The following FHOD3 variants were observed in gnomAD, a reference collection of about 807,000 sequenced individuals.
FHOD3 encodes the protein FH1/FH2 domain-containing protein 3.
Under a neutral mutation model 173.0 loss-of-function variants are expected in FHOD3, and 90 were observed. That is an observed-to-expected ratio of 0.52 (90% confidence interval 0.44 to 0.62). FHOD3 has a LOEUF of 0.62. Among genes scored for constraint, FHOD3 ranks in the 20% least tolerant of loss-of-function variants. The pLI is 0.00. For synonymous variants in FHOD3, 828 were observed against 823.0 expected (o/e 1.01, Z -0.10); for missense variants, 1,945 against 2,034.7 (o/e 0.96, Z 0.85).
intron 3 of FHOD3, among the ~76,000 whole-genome samples, chr18:36,452,157 T>A (rs1477946086): frequency 6.6e-6 from 1 of 152,114 alleles, no homozygotes; most frequent in African/African-American, 2.4e-5. Flanking sequence ...CGTCTTGGCA[T>A]TTTTTTGGTG....
chr18:36,308,077 A>G (rs1037682634), intron 1 of FHOD3, among the ~76,000 whole-genome samples: 1 of 152,228 alleles, frequency 6.6e-6, no homozygotes, highest in African/African-American at 2.4e-5. Flanking sequence ...TTCTTCTTGA[A>G]TGTTAAATTT....
intron 21 of FHOD3, 110 bp downstream of exon 21, chr18:36,740,948 C>T (rs1436001273): frequency 1.9e-5 from 21 of 1,079,104 alleles, no homozygotes; most frequent in Admixed American, 9.0e-5. Context: ...GCATAGGGTA[C>T]GGAGGGTGAA....
intron 14 of FHOD3, among the ~76,000 whole-genome samples, chr18:36,668,795 T>A (rs1296537515): frequency 1.3e-5 from 2 of 152,112 alleles, no homozygotes. Flanking sequence ...ATATTCCAAC[T>A]ATCTTTCTGT....
intron 3 of FHOD3, among the ~76,000 whole-genome samples, chr18:36,495,810 G>A (rs892010827): frequency 1.3e-5 from 2 of 152,214 alleles, no homozygotes; most frequent in Non-Finnish European, 2.9e-5. Flanking sequence ...CTGCAGAGTA[G>A]AGAATTGGAT....
Position 36,474,278 on chromosome 18 carries a change from T to C in FHOD3, c.338-27654T>C, listed in dbSNP as rs187843647. ...CTCCTCCACCACGTGCACAGGAACA[T>C]GGCTCTCTTCTTTTTGTCCCATAAG... On this transcript the variant is annotated intron_variant, in intron 3 of 28. Transcript: ENST00000590592. Among the ~76,000 whole-genome samples, 4 of 152,326 alleles carry C rather than the reference T, an allele frequency of 2.6e-5. No homozygotes were observed. In the East Asian group the frequency reaches 7.7e-4, roughly 29 times the overall value.
intron 5 of FHOD3, among the ~76,000 whole-genome samples, chr18:36,529,878 T>C (rs2056705458): frequency 6.6e-6 from 1 of 152,186 alleles, no homozygotes; most frequent in Non-Finnish European, 1.5e-5. Flanking sequence ...TAGAATCCCA[T>C]CGTTCAGCAT....
intron 5 of FHOD3, among the ~76,000 whole-genome samples, chr18:36,521,708 T>G (rs2056283339): frequency 6.6e-6 from 1 of 152,196 alleles, no homozygotes; most frequent in African/African-American, 2.4e-5. Context: ...CTCTGTTGCA[T>G]GGATGGACCA....
chr18:36,437,247 A>T (rs527516044), intron 3 of FHOD3, among the ~76,000 whole-genome samples: 1 of 152,232 alleles, frequency 6.6e-6, no homozygotes, highest in South Asian at 2.1e-4. Flanking sequence ...CCTCCCAAGT[A>T]GCTAGGACTA....
intron 5 of FHOD3, among the ~76,000 whole-genome samples, chr18:36,559,985 G>A (rs1346801735): frequency 6.6e-6 from 1 of 152,132 alleles, no homozygotes; most frequent in Non-Finnish European, 1.5e-5. Context: ...CATACTTTTG[G>A]AAAGTGAATT....
chr18:36,425,182 A>G (rs151199953), intron 3 of FHOD3, among the ~76,000 whole-genome samples: 102 of 152,280 alleles, frequency 6.7e-4, no homozygotes, highest in African/African-American at 2.4e-3. Flanking sequence ...TATTGTTACA[A>G]TTGTTGTCTT....
intron 10 of FHOD3, among the ~76,000 whole-genome samples, chr18:36,644,991 A>G (rs1283618073): frequency 6.6e-6 from 1 of 152,206 alleles, no homozygotes. Flanking sequence ...GTGGACCAGA[A>G]GTAATAACAC....
At chr18:36,342,318 A>G (rs758231577) in intron 1 of FHOD3, among the ~76,000 whole-genome samples, 4 of 152,140 alleles carry the variant, frequency 2.6e-5, no homozygotes, top group Non-Finnish European at 5.9e-5. Flanking sequence ...TTAATGGCCA[A>G]TTTTCTAAAA....
chr18:36,637,733 G>A lies in FHOD3; in HGVS notation c.1197-11583G>A, dbSNP rs147791529. Among the ~76,000 whole-genome samples, 13 of 152,312 alleles carry A rather than the reference G, an allele frequency of 8.5e-5. No individual in the cohort carries two copies. In the East Asian group the frequency reaches 1.7e-3, roughly 20 times the overall value. On this transcript the variant is annotated intron_variant, in intron 10 of 28. Transcript: ENST00000590592. ...CCAGCAGGGCCATGTGGTAGATAGA[G>A]GGTTACAGGGATATGAGAATATATC...
At chr18:36,299,062 A>T (rs2848591) in intron 1 of FHOD3, among the ~76,000 whole-genome samples, 3 of 151,994 alleles carry the variant, frequency 2.0e-5, no homozygotes, top group East Asian at 1.9e-4. Context: ...TTAAAAAAAA[A>T]CCTCGGATTT....
Position 36,363,907 on chromosome 18 carries a change from G to A in FHOD3, c.272+8262G>A, listed in dbSNP as rs191664138. Among the ~76,000 whole-genome samples the A allele has an allele frequency of 8.1e-3, 1,226 of 152,072 alleles. 16 individuals are homozygous for A. The highest frequency in any genetic ancestry group is 0.028 in the African/African-American group (1,176 of 41,416). Reference sequence around the variant, plus strand: ...AAATGGGTGGGTGGGGAGGGGCAGTGTGGATATATGAGAACATGCTCTACT... The same window carrying A: ...AAATGGGTGGGTGGGGAGGGGCAGTATGGATATATGAGAACATGCTCTACT... On this transcript the variant is annotated intron_variant, in intron 2 of 28. Transcript: ENST00000590592.
intron 19 of FHOD3, among the ~76,000 whole-genome samples, chr18:36,730,003 C>T (rs9962453): frequency 0.38 from 58,383 of 152,046 alleles, 11,556 homozygotes; most frequent in African/African-American, 0.48. Flanking sequence ...TCATCCTCAC[C>T]AGTGCATGCC....
At chr18:36,772,693 C>G (rs987260909) in intron 28 of FHOD3, among the ~76,000 whole-genome samples, 1 of 152,218 alleles carries the variant, frequency 6.6e-6, no homozygotes, top group Non-Finnish European at 1.5e-5. Flanking sequence ...CCAAGGGCCT[C>G]GTAATAGATT....
intron 13 of FHOD3, among the ~76,000 whole-genome samples, chr18:36,656,484 A>G (rs1248357412): frequency 1.3e-5 from 2 of 152,190 alleles, no homozygotes; most frequent in African/African-American, 2.4e-5. Flanking sequence ...CACTAAATAA[A>G]TAAGGACAGC....
intron 3 of FHOD3, among the ~76,000 whole-genome samples, chr18:36,424,079 C>T (rs139559231): frequency 6.6e-6 from 1 of 152,172 alleles, no homozygotes; most frequent in Non-Finnish European, 1.5e-5. Context: ...CCTACACACA[C>T]CTAAAGCATC....
Sources: gnomAD v4.1 joint callset for allele counts (sites outside exome capture counted in the v4.1 genomes callset) on GRCh38, gnomAD v4.1.1 for gene constraint, MANE v1.5 for transcripts, NCBI Gene and HGNC (gene_info 2026-07-23, HGNC 2026-07-21) for gene names.